PCLO: variants seen among roughly 807,000 people sequenced by gnomAD.
PCLO encodes piccolo presynaptic cytomatrix protein.
Under a neutral mutation model 427.5 loss-of-function variants are expected in PCLO, and 82 were observed. The observed-to-expected ratio is 0.19, with a 90% CI of 0.16 to 0.23. The LOEUF is 0.23. Among genes scored for constraint, PCLO ranks in the 10% least tolerant of loss-of-function variants. The pLI is 1.00. For synonymous variants in PCLO, 2,357 were observed against 2,155.4 expected, an observed-to-expected ratio of 1.09 and a Z score of -2.59; for missense variants, 6,239 against 6,115.9, an observed-to-expected ratio of 1.02 and a Z score of -0.67.
intron 2 of PCLO, among the ~76,000 whole-genome samples, chr7:83,148,244 T>C (rs10267158): frequency 0.032 from 4,910 of 152,194 alleles, 274 homozygotes; most frequent in African/African-American, 0.11. Context: ...CCAAGTAACT[T>C]ATCAATTTCA....
chr7:83,122,442 C>T (rs181347795), intron 3 of PCLO, among the ~76,000 whole-genome samples: 1,892 of 152,126 alleles, frequency 0.012, 27 homozygotes, highest in Non-Finnish European at 0.014. Flanking sequence ...TCCACCACCA[C>T]GCCCAGCTAA....
intron 3 of PCLO, among the ~76,000 whole-genome samples, chr7:83,091,096 A>G (rs1790366883): frequency 1.3e-5 from 2 of 152,282 alleles, no homozygotes; most frequent in Non-Finnish European, 2.9e-5. Flanking sequence ...CTTTTTTAAA[A>G]ACATAGAGCC....
intron 3 of PCLO, among the ~76,000 whole-genome samples, chr7:83,014,564 G>T (rs1788160818): frequency 1.3e-5 from 2 of 151,888 alleles, no homozygotes; most frequent in South Asian, 4.1e-4. Flanking sequence ...TCACAAGGGA[G>T]TAGAAAGGGA....
intron 20 of PCLO, chr7:82,820,701 A>G: frequency 1.6e-6 from 2 of 1,231,052 alleles, no homozygotes; most frequent in Non-Finnish European, 1.0e-6. Context: ...TAAAAGTTAC[A>G]CTTGAAATAA....
chr7:82,938,815 A>G (rs765403973), intron 6 of PCLO, among the ~76,000 whole-genome samples: 10 of 152,030 alleles, frequency 6.6e-5, no homozygotes, highest in Non-Finnish European at 1.3e-4. Context: ...CAAAGGGCAA[A>G]ATCATTTACA....
intron 9 of PCLO, among the ~76,000 whole-genome samples, chr7:82,897,837 G>A (rs1313507631): frequency 3.3e-5 from 5 of 151,170 alleles, no homozygotes; most frequent in African/African-American, 4.8e-5. Context: ...TGCAGATATC[G>A]TTACAGCAGT....
chr7:82,962,410 T>C (rs1375132775), intron 4 of PCLO, among the ~76,000 whole-genome samples: 1 of 152,022 alleles, frequency 6.6e-6, no homozygotes, highest in East Asian at 1.9e-4. Context: ...CAAACTACAT[T>C]CCTTTGTCAG....
At chr7:83,130,847 A>G (rs371281399) in intron 3 of PCLO, among the ~76,000 whole-genome samples, 2 of 152,206 alleles carry the variant, frequency 1.3e-5, no homozygotes, top group African/African-American at 4.8e-5. Flanking sequence ...AGCAATTCCT[A>G]CATTATTTAG....
At position 83,137,423 on chromosome 7, in the gene PCLO, C is replaced by T. The variant is rs564498899; in HGVS notation, c.1894-1767G>A. Among the ~76,000 whole-genome samples the T allele has an allele frequency of 3.3e-5, 5 of 152,142 alleles. No individual in the cohort carries two copies. The South Asian group carries it at 1.0e-3, about 32-fold the overall frequency. ...CATGGGTGGTTGGTACATGGATATT[C>T]ATTCATTCATTCATTCATTTATTTA... On this transcript the variant is annotated intron_variant, in intron 2 of 24. Transcript: ENST00000333891.
At chr7:82,808,620 A>G (rs1791505926) in intron 20 of PCLO, among the ~76,000 whole-genome samples, 1 of 151,974 alleles carries the variant, frequency 6.6e-6, no homozygotes, top group African/African-American at 2.4e-5. Flanking sequence ...AGAAATATTA[A>G]AAAAGAAAAC....
chr7:83,081,646 G>A (rs1442572175), intron 3 of PCLO, among the ~76,000 whole-genome samples: 4 of 151,668 alleles, frequency 2.6e-5, no homozygotes, highest in East Asian at 1.9e-4. Context: ...TTTTTCCTAT[G>A]GTACTGTATC....
chr7:82,938,003 C>A (rs2116367848), intron 6 of PCLO, among the ~76,000 whole-genome samples: 1 of 151,934 alleles, frequency 6.6e-6, no homozygotes, highest in South Asian at 2.1e-4. Flanking sequence ...TCTTCTACTA[C>A]TTGTAGATAC....
intron 10 of PCLO, among the ~76,000 whole-genome samples, chr7:82,859,957 A>C (rs1792910799): frequency 6.6e-6 from 1 of 152,166 alleles, no homozygotes; most frequent in South Asian, 2.1e-4. Flanking sequence ...GAGGTCTTTA[A>C]TAGAAGAATT....
chr7:83,098,653 A>T (rs950655330), intron 3 of PCLO, among the ~76,000 whole-genome samples: 7 of 151,812 alleles, frequency 4.6e-5, no homozygotes, highest in Non-Finnish European at 1.0e-4. Flanking sequence ...TCATTAAAAA[A>T]TTGCACATCT....
chr7:82,866,736 C>T (rs1793104184), intron 10 of PCLO, among the ~76,000 whole-genome samples: 1 of 151,186 alleles, frequency 6.6e-6, no homozygotes, highest in African/African-American at 2.4e-5. Context: ...AAGTAAAAAC[C>T]TGCATTCTTG....
chr7:82,880,625 G>T (rs938635345), intron 9 of PCLO, among the ~76,000 whole-genome samples: 2 of 152,106 alleles, frequency 1.3e-5, no homozygotes, highest in African/African-American at 4.8e-5. Context: ...TGTCACCGTG[G>T]AACGATGCTA....
Position 82,916,021 on chromosome 7 carries a change from C to T in PCLO, c.11965G>A (p.Ala3989Thr), listed in dbSNP as rs746715107. The stretch of plus-strand genomic sequence containing the variant: ...AATGTGTTATCCGTAGAAACAGGTG[C>T]TATCATAAGGGGTTGGTTGCGAATC... The part of the protein sequence containing the change: ...EVIRNQPLMI[A>T]PVSTDNTFAV... Residue 3989 changes from alanine to threonine, a missense_variant, in exon 7 of 25, where the codon GCA (alanine) becomes ACA (threonine). Around this residue, in one of 5 missense-constraint regions of PCLO, gnomAD observed 680 missense variants for 677.3 expected, o/e 1.00. Transcript: ENST00000333891. 2 of 1,612,684 alleles carry T rather than the reference C, an allele frequency of 1.2e-6. No homozygotes were observed. The highest frequency in any genetic ancestry group is 2.2e-5 in the East Asian group (1 of 44,858).
chr7:83,083,707 A>C (rs2116407713), intron 3 of PCLO, among the ~76,000 whole-genome samples: 2 of 152,200 alleles, frequency 1.3e-5, no homozygotes, highest in South Asian at 4.1e-4. Flanking sequence ...TATATCCCTA[A>C]GTCTACATGT....
intron 9 of PCLO, among the ~76,000 whole-genome samples, chr7:82,883,711 C>G (rs950566284): frequency 2.0e-5 from 3 of 152,116 alleles, no homozygotes; most frequent in African/African-American, 7.2e-5. Context: ...TCTTATCCAG[C>G]CAATTGCTCC....
Sources: gnomAD v4.1 joint callset for allele counts (sites outside exome capture counted in the v4.1 genomes callset) on GRCh38, gnomAD v4.1.1 for gene constraint, gnomAD v4.1.1 regional missense constraint, MANE v1.5 for transcripts, NCBI Gene and HGNC (gene_info 2026-07-23, HGNC 2026-07-21) for gene names.